Variants in SCHIP1 observed in about 807,000 individuals in gnomAD.
SCHIP1 encodes schwannomin interacting protein 1.
SCHIP1 carries 8 observed loss-of-function variants against 29.7 expected under a neutral mutation model. That is an observed-to-expected ratio of 0.27 (90% CI 0.16 to 0.49). The LOEUF (loss-of-function observed/expected upper bound fraction) is 0.49. SCHIP1 is among the 20% of genes least tolerant of loss of function. The pLI is 0.99. For synonymous variants in SCHIP1, 76 were observed against 94.9 expected (o/e 0.80, Z 1.16); for missense variants, 193 against 294.6 (o/e 0.66, Z 2.52).
the SCHIP1 span, among the ~76,000 whole-genome samples, chr3:159,574,117 T>C: frequency 6.6e-6 from 1 of 152,238 alleles, no homozygotes. Flanking sequence ...TTCTGTCAAC[T>C]TGTCAAAGTC....
chr3:159,461,759 T>A, the SCHIP1 span, among the ~76,000 whole-genome samples: 3 of 152,030 alleles, frequency 2.0e-5, no homozygotes, highest in African/African-American at 7.2e-5. Context: ...CTTTTACTTT[T>A]TGCTTTATAT....
the SCHIP1 span, among the ~76,000 whole-genome samples, chr3:159,712,897 C>T: frequency 1.3e-5 from 2 of 149,956 alleles, no homozygotes; most frequent in Non-Finnish European, 3.0e-5. Flanking sequence ...CACGGTGGCT[C>T]ATGCCTGTAA....
the SCHIP1 span, among the ~76,000 whole-genome samples, chr3:159,811,888 A>C: frequency 6.6e-6 from 1 of 152,112 alleles, no homozygotes; most frequent in Non-Finnish European, 1.5e-5. Context: ...TTGCTATTTT[A>C]ATAATACTGA....
the SCHIP1 span, among the ~76,000 whole-genome samples, chr3:159,516,300 C>T: frequency 6.6e-6 from 1 of 152,170 alleles, no homozygotes; most frequent in Non-Finnish European, 1.5e-5. Context: ...CCTTCCTCCA[C>T]TCCCTTTGGC....
At chr3:159,489,462 C>G in the SCHIP1 span, among the ~76,000 whole-genome samples, 1 of 152,182 alleles carries the variant, frequency 6.6e-6, no homozygotes, top group Non-Finnish European at 1.5e-5. Context: ...ATTTACAGTA[C>G]AAATGCTTCA....
At chr3:159,275,844 A>G in the SCHIP1 span, among the ~76,000 whole-genome samples, 2 of 152,118 alleles carry the variant, frequency 1.3e-5, no homozygotes, top group African/African-American at 4.8e-5. Context: ...TTTCTTTTTT[A>G]AATAACATTC....
the SCHIP1 span, among the ~76,000 whole-genome samples, chr3:159,460,743 C>T: frequency 9.3e-4 from 142 of 152,170 alleles, no homozygotes; most frequent in Non-Finnish European, 1.7e-3. Flanking sequence ...CTTGGACAAA[C>T]TTGGGTGGTT....
the SCHIP1 span, among the ~76,000 whole-genome samples, chr3:159,332,582 T>C: frequency 1.3e-5 from 2 of 152,148 alleles, no homozygotes; most frequent in South Asian, 4.1e-4. Flanking sequence ...TCTCCAGGAA[T>C]ATGAGCCCTG....
the SCHIP1 span, among the ~76,000 whole-genome samples, chr3:159,726,409 C>T: frequency 6.6e-6 from 1 of 152,176 alleles, no homozygotes; most frequent in Admixed American, 6.5e-5. Context: ...CAAGCAGAGC[C>T]GCAGGCTGAC....
At chr3:159,283,877 G>A in the SCHIP1 span, among the ~76,000 whole-genome samples, 1 of 152,144 alleles carries the variant, frequency 6.6e-6, no homozygotes. Context: ...TAGTTGATGC[G>A]ATGAGTTATG....
At chr3:159,868,272 T>G (rs1714874278) in intron 2 of SCHIP1, among the ~76,000 whole-genome samples, 1 of 151,754 alleles carries the variant, frequency 6.6e-6, no homozygotes, top group Admixed American at 6.6e-5. Context: ...AGAAATAACT[T>G]TTTACTCCTT....
chr3:159,393,643 T>C, the SCHIP1 span, among the ~76,000 whole-genome samples: 1 of 149,776 alleles, frequency 6.7e-6, no homozygotes, highest in Non-Finnish European at 1.5e-5. Flanking sequence ...GCGTTATTTC[T>C]GAGGGCTCTG....
At chr3:159,442,039 G>T in the SCHIP1 span, among the ~76,000 whole-genome samples, 1 of 152,130 alleles carries the variant, frequency 6.6e-6, no homozygotes, top group Non-Finnish European at 1.5e-5. Context: ...ATGAACAATT[G>T]TATGGCTATA....
chr3:159,404,627 C>T, the SCHIP1 span, among the ~76,000 whole-genome samples: 2 of 152,148 alleles, frequency 1.3e-5, no homozygotes, highest in Non-Finnish European at 1.5e-5. Context: ...TAGAATAGTG[C>T]ACCAGGTAGA....
the SCHIP1 span, among the ~76,000 whole-genome samples, chr3:159,542,488 G>A: frequency 6.6e-6 from 1 of 152,022 alleles, no homozygotes; most frequent in African/African-American, 2.4e-5. Context: ...GGTGGGTCTG[G>A]CCCTTTCACT....
the SCHIP1 span, among the ~76,000 whole-genome samples, chr3:159,772,230 A>G: frequency 6.6e-6 from 1 of 152,152 alleles, no homozygotes; most frequent in Non-Finnish European, 1.5e-5. Context: ...GACTCGCTGC[A>G]ACCCCCATCT....
chr3:159,425,851 C>G, the SCHIP1 span, among the ~76,000 whole-genome samples: 1 of 152,180 alleles, frequency 6.6e-6, no homozygotes, highest in African/African-American at 2.4e-5. Context: ...TCTCTCGGAC[C>G]ACAGTGCAAT....
chr3:159,330,143 C>T, the SCHIP1 span, among the ~76,000 whole-genome samples: 1 of 152,138 alleles, frequency 6.6e-6, no homozygotes, highest in Non-Finnish European at 1.5e-5. Flanking sequence ...TAAAACCAAC[C>T]ACATCACCTT....
intron 2 of SCHIP1, among the ~76,000 whole-genome samples, chr3:159,866,917 C>G (rs781143903): frequency 6.6e-6 from 1 of 152,042 alleles, no homozygotes; most frequent in Non-Finnish European, 1.5e-5. Context: ...CAGAGTTTCT[C>G]GAACTTTAAT....
Sources: allele counts gnomAD v4.1 joint callset (sites outside exome capture counted in the v4.1 genomes callset), GRCh38; gene constraint gnomAD v4.1.1; transcripts MANE v1.5; gene names NCBI Gene and HGNC (gene_info 2026-07-23, HGNC 2026-07-21).